SGCZ: variants seen among roughly 807,000 people sequenced by gnomAD.
SGCZ encodes the protein sarcoglycan zeta.
Under a neutral mutation model 41.3 loss-of-function variants are expected in SGCZ, and 40 were observed. That is an observed-to-expected ratio of 0.97 (90% CI 0.75 to 1.26). The LOEUF is 1.26. SGCZ is among the 50% of genes most tolerant of loss of function. The pLI, the probability that SGCZ is intolerant of heterozygous loss-of-function variation, is 0.00. For missense variants in SGCZ, 552 were observed against 369.8 expected (o/e 1.49, Z -4.04); for synonymous variants, 206 against 137.5 (o/e 1.50, Z -3.49).
chr8:14,360,411 C>T lies in SGCZ; in HGVS notation c.235-36207G>A, dbSNP rs113131028. 6.0e-4 allele frequency among the ~76,000 whole-genome samples: 91 copies of T among 151,986 alleles called. 2 individuals are homozygous for T. The highest frequency in any genetic ancestry group is 1.9e-3 in the African/African-American group (79 of 41,438). ...CATGATCTCAACTCGCTGTAACCTC[C>T]GCCTCCTAGGTTCAACTGATTCTCC... On this transcript the variant is annotated intron_variant, in intron 2 of 7. Coordinates refer to ENST00000382080, the MANE Select transcript of SGCZ (RefSeq NM_139167.4).
At chr8:14,481,000 T>TTA (rs1801520384) in intron 2 of SGCZ, among the ~76,000 whole-genome samples, 1 of 152,068 alleles carries the variant, frequency 6.6e-6, no homozygotes, top group Non-Finnish European at 1.5e-5. Flanking sequence ...AGTTTATATT[T>TTA]ATCAATAGAT....
chr8:14,420,889 G>T (rs1308626469), intron 2 of SGCZ, among the ~76,000 whole-genome samples: 4 of 152,084 alleles, frequency 2.6e-5, no homozygotes. Context: ...ATATTTGTAT[G>T]CAGTTCTTTC....
intron 5 of SGCZ, among the ~76,000 whole-genome samples, chr8:14,162,061 G>A (rs1163996626): frequency 6.6e-6 from 1 of 152,066 alleles, no homozygotes; most frequent in Non-Finnish European, 1.5e-5. Flanking sequence ...TGCCAATTTG[G>A]GCTAAGGAAG....
chr8:14,261,574 G>GGAAT (rs1799668503), intron 3 of SGCZ, among the ~76,000 whole-genome samples: 3 of 152,172 alleles, frequency 2.0e-5, no homozygotes, highest in South Asian at 2.1e-4. Flanking sequence ...CTGTTCATCT[G>GGAAT]GACCAATGCC....
chr8:14,808,482 A>G (rs1160028470), intron 1 of SGCZ, among the ~76,000 whole-genome samples: 6 of 152,076 alleles, frequency 3.9e-5, no homozygotes, highest in Non-Finnish European at 7.4e-5. Flanking sequence ...ACATGAAAAA[A>G]TGATCATCAC....
At chr8:14,672,446 A>G (rs563251137) in intron 1 of SGCZ, among the ~76,000 whole-genome samples, 1 of 152,246 alleles carries the variant, frequency 6.6e-6, no homozygotes, top group South Asian at 2.1e-4. Context: ...TTTTAAATTC[A>G]TGTATGTATG....
intron 1 of SGCZ, among the ~76,000 whole-genome samples, chr8:14,821,834 G>A (rs558067261): frequency 1.5e-4 from 23 of 152,128 alleles, no homozygotes; most frequent in Non-Finnish European, 2.1e-4. Context: ...GGCCATACGG[G>A]ACAAATCCAC....
At chr8:14,878,973 G>A (rs1229756834) in intron 1 of SGCZ, 1 of 152,096 alleles carries the variant, frequency 6.6e-6, no homozygotes, top group Non-Finnish European at 1.5e-5. Flanking sequence ...GTTGGATTTT[G>A]AATTACTCAT....
chr8:14,925,936 C>G (rs1356684816), intron 1 of SGCZ, among the ~76,000 whole-genome samples: 1 of 152,090 alleles, frequency 6.6e-6, no homozygotes, highest in Non-Finnish European at 1.5e-5. Context: ...GACAACAGGG[C>G]AGAGATGTTG....
intron 3 of SGCZ, among the ~76,000 whole-genome samples, chr8:14,262,488 G>A (rs1195723761): frequency 1.3e-5 from 2 of 152,014 alleles, no homozygotes; most frequent in Non-Finnish European, 2.9e-5. Flanking sequence ...ATACCCACAT[G>A]TGACAAATAG....
rs1337965505 is a variant in SGCZ, at chr8:14,360,299, A to T, written c.235-36095T>A. Among the ~76,000 whole-genome samples, 3 of 152,064 alleles carry T rather than the reference A, an allele frequency of 2.0e-5. No individual in the cohort carries two copies. The East Asian group carries it at 5.8e-4, about 29-fold the overall frequency. ...AGAGAAAGAAATAAAGGGCATCCAA[A>T]TTGGAAACCAATTCAGTTTCCAAAA... On this transcript the variant is annotated intron_variant, in intron 2 of 7. Coordinates refer to ENST00000382080, the MANE Select transcript of SGCZ (RefSeq NM_139167.4).
chr8:14,242,499 T>A (rs1190883886), intron 3 of SGCZ, among the ~76,000 whole-genome samples: 1 of 152,154 alleles, frequency 6.6e-6, no homozygotes, highest in Non-Finnish European at 1.5e-5. Flanking sequence ...CATCATAGTC[T>A]CTTCATCTGT....
chr8:14,881,039 T>G (rs1279405143), intron 1 of SGCZ, among the ~76,000 whole-genome samples: 1 of 152,312 alleles, frequency 6.6e-6, no homozygotes, highest in Middle Eastern at 3.4e-3. Context: ...CAAGTTGTAT[T>G]ATTTACTATG....
chr8:14,199,025 T>C (rs1805369683), intron 4 of SGCZ, among the ~76,000 whole-genome samples: 1 of 152,026 alleles, frequency 6.6e-6, no homozygotes, highest in Non-Finnish European at 1.5e-5. Flanking sequence ...CAATATCAAA[T>C]CTGGGCACCT....
At chr8:15,133,293 A>C (rs765875248) in intron 1 of SGCZ, among the ~76,000 whole-genome samples, 1 of 152,280 alleles carries the variant, frequency 6.6e-6, no homozygotes, top group Non-Finnish European at 1.5e-5. Flanking sequence ...TAGAGTTATA[A>C]ATGTAACACA....
intron 3 of SGCZ, among the ~76,000 whole-genome samples, chr8:14,301,130 T>C (rs1347141480): frequency 3.3e-5 from 5 of 151,938 alleles, no homozygotes; most frequent in Non-Finnish European, 5.9e-5. Context: ...TGTCACCTAT[T>C]TATTAGATGC....
chr8:15,033,181 C>T (rs73665372), intron 1 of SGCZ, among the ~76,000 whole-genome samples: 14,868 of 151,114 alleles, frequency 0.098, 913 homozygotes, highest in African/African-American at 0.16. Context: ...ATCATGTGAA[C>T]CAAGGTTTCA....
At chr8:14,941,850 T>C (rs1800285531) in intron 1 of SGCZ, among the ~76,000 whole-genome samples, 1 of 151,484 alleles carries the variant, frequency 6.6e-6, no homozygotes, top group South Asian at 2.1e-4. Flanking sequence ...TATGTGTAAA[T>C]ATATGTACAC....
intron 1 of SGCZ, among the ~76,000 whole-genome samples, chr8:14,826,026 G>T (rs1312454728): frequency 6.6e-6 from 1 of 151,596 alleles, no homozygotes; most frequent in Non-Finnish European, 1.5e-5. Context: ...CCATGTTGGT[G>T]TGCTGCACCC....
Sources: gnomAD v4.1 joint callset for allele counts (sites outside exome capture counted in the v4.1 genomes callset) on GRCh38, gnomAD v4.1.1 for gene constraint, MANE v1.5 for transcripts, NCBI Gene and HGNC (gene_info 2026-07-23, HGNC 2026-07-21) for gene names.